The following CALCOCO2 variants were observed in gnomAD, a reference collection of about 807,000 sequenced individuals.
CALCOCO2 encodes the protein calcium binding and coiled-coil domain 2, also known as calcium-binding and coiled-coil domain-containing protein 2.
A neutral mutation model predicts 62.5 loss-of-function variants in CALCOCO2; 42 were observed. The ratio of observed to expected loss-of-function variants is 0.67; its 90% confidence interval spans 0.53 to 0.87. The LOEUF is 0.87. CALCOCO2 is among the 40% of genes least tolerant of loss of function. CALCOCO2 has a pLI of 0.00. For synonymous variants in CALCOCO2, 167 were observed against 173.0 expected (o/e 0.97, Z 0.27); for missense variants, 456 against 515.0 (o/e 0.89, Z 1.11).
At chr17:48,857,783 G>A (rs1002443074) in intron 10 of CALCOCO2, among the ~76,000 whole-genome samples, 22 of 148,342 alleles carry the variant, frequency 1.5e-4, no homozygotes, top group African/African-American at 4.7e-4. Flanking sequence ...GACCATCCTG[G>A]CTAACACAGT....
intron 7 of CALCOCO2, 193 bp downstream of exon 7, chr17:48,851,821 CT>C: frequency 2.3e-5 from 11 of 486,456 alleles, no homozygotes; most frequent in Middle Eastern, 4.2e-4. Flanking sequence ...CATGCCCCTG[CT>C]TTTAAAAAAA....
At chr17:48,848,222 C>T in intron 3 of CALCOCO2, 56 bp downstream of exon 3, 1 of 1,517,776 alleles carries the variant, frequency 6.6e-7, no homozygotes, top group Non-Finnish European at 9.1e-7. Context: ...CTAATTAATT[C>T]CCTTCAGCTT....
rs926060868 is a variant in CALCOCO2 at position 48,831,042 on chromosome 17, C to T, written c.-47C>T. ...TAGCCCCGCCCCCGTCCCACTCTGC[C>T]CTGTTGCTGTCGCGCCGCTGCTGGT... is the stretch of plus-strand genomic sequence containing the variant. On this transcript the variant is annotated 5_prime_UTR_variant, in exon 1 of 13. Transcript: ENST00000258947. 1 of 152,502 alleles carries T rather than the reference C, an allele frequency of 6.6e-6. No individual in the cohort carries two copies. Among genetic ancestry groups the T allele is most frequent in the African/African-American group, 2.4e-5 (1 of 41,424 alleles). The allele number at this position is 152,502 out of a possible 1,614,324, so 9.4% of individuals were successfully genotyped here. A position where few individuals can be genotyped will look rare whatever the true frequency, so the allele number is the denominator to read the frequency against.
chr17:48,854,382 T>TTATATATATATA (rs201839175), intron 9 of CALCOCO2, among the ~76,000 whole-genome samples: 132 of 5,976 alleles, frequency 0.022, 19 homozygotes, highest in Non-Finnish European at 0.048. Context: ...TTTCTTTTAT[T>TTATATATATATA]TATATATATA....
chr17:48,847,087 G>A (rs746667699), intron 2 of CALCOCO2, among the ~76,000 whole-genome samples: 3 of 152,032 alleles, frequency 2.0e-5, no homozygotes, highest in South Asian at 2.1e-4. Context: ...CTACCAGATT[G>A]TTGTTAATAT....
chr17:48,856,244 G>A (rs2040213582), intron 10 of CALCOCO2, 57 bp downstream of exon 10: 4 of 945,568 alleles, frequency 4.2e-6, no homozygotes, highest in Non-Finnish European at 5.0e-6. Flanking sequence ...GGATCAGGGT[G>A]GCCCAGAGAT....
intron 10 of CALCOCO2, among the ~76,000 whole-genome samples, chr17:48,857,867 C>T (rs185029330): frequency 2.9e-4 from 44 of 149,778 alleles, no homozygotes; most frequent in African/African-American, 1.0e-3. Context: ...GTCCCAGCTA[C>T]TCAGGAGGCT....
chr17:48,849,151 A>C, intron 4 of CALCOCO2, 101 bp from the exon 5 acceptor site: 21 of 998,736 alleles, frequency 2.1e-5, no homozygotes, highest in Non-Finnish European at 3.1e-5. Context: ...CATAGGTGTC[A>C]CTGCAGTGAA....
Position 48,861,436 on chromosome 17 carries a change from G to A in CALCOCO2, c.1145-840G>A, listed in dbSNP as rs939085006. ...TTGCCATGTTGCCCAGGCCGGTTTC[G>A]AACTCCTGAGCTTAAGCAGTCCACC... On this transcript the variant is annotated intron_variant, in intron 11 of 12. Coordinates refer to ENST00000258947, the MANE Select transcript of CALCOCO2 (RefSeq NM_005831.5). 3.3e-5 allele frequency among the ~76,000 whole-genome samples: 5 copies of A among 151,724 alleles called. No homozygotes were observed. In the East Asian group the frequency reaches 7.8e-4, roughly 24 times the overall value.
intron 9 of CALCOCO2, 133 bp downstream of exon 9, chr17:48,853,145 C>A (rs530384933): frequency 1.8e-5 from 11 of 618,920 alleles, no homozygotes; most frequent in Non-Finnish European, 3.2e-5. Context: ...TGCTTTCTAG[C>A]CAAAAGGACA....
chr17:48,832,163 C>T (rs1165747926), intron 1 of CALCOCO2, among the ~76,000 whole-genome samples: 3 of 152,162 alleles, frequency 2.0e-5, no homozygotes, highest in Admixed American at 6.5e-5. Flanking sequence ...GAGGCCCAGG[C>T]GGGCAGAATC....
chr17:48,851,595 T>G lies in CALCOCO2; in HGVS notation c.669T>G (p.Asn223Lys). Residue 223 changes from asparagine (N) to lysine (K), a missense_variant, in exon 7 of 13, where the codon AAT (asparagine) becomes AAG (lysine). Asn to Lys is a moderately conservative substitution (Grantham distance 94). Around this residue, in one of 3 missense-constraint regions of CALCOCO2, gnomAD observed 236 missense variants for 225.3 expected, o/e 1.05. Transcript: ENST00000258947. ...KEQNQKMSSE[N>K]EKMGIRVDQL... ...AAAACCAGAAGATGTCCTCAGAAAATGAGAAGATGGGAATCAGAGTGGATC... is the reference window on the plus strand; with the variant it reads ...AAAACCAGAAGATGTCCTCAGAAAAGGAGAAGATGGGAATCAGAGTGGATC... 1.2e-6 allele frequency: 2 copies of G among 1,603,946 alleles called. No individual in the cohort carries two copies. Among genetic ancestry groups the G allele is most frequent in the Admixed American group, 1.7e-5 (1 of 59,988 alleles).
chr17:48,849,762 C>A (rs2040101938), intron 5 of CALCOCO2, among the ~76,000 whole-genome samples: 1 of 151,958 alleles, frequency 6.6e-6, no homozygotes, highest in Admixed American at 6.6e-5. Flanking sequence ...CCTGAGCTTC[C>A]CAAAGTGCTG....
intron 10 of CALCOCO2, among the ~76,000 whole-genome samples, chr17:48,857,280 C>T (rs1193451211): frequency 6.6e-6 from 1 of 150,908 alleles, no homozygotes; most frequent in African/African-American, 2.4e-5. Flanking sequence ...TCACCGCAAC[C>T]TCCACCTTCC....
intron 12 of CALCOCO2, 41 bp downstream of exon 12, chr17:48,862,345 G>A: frequency 7.0e-7 from 1 of 1,427,864 alleles, no homozygotes; most frequent in Non-Finnish European, 9.9e-7. Context: ...CAAAGCACTT[G>A]AAAATTTCCC....
chr17:48,857,497 C>CTTTTT (rs59318856), intron 10 of CALCOCO2, among the ~76,000 whole-genome samples: 11,587 of 38,166 alleles, frequency 0.3, 3,774 homozygotes, highest in Non-Finnish European at 0.42. Flanking sequence ...GCACCCGGCC[C>CTTTTT]TTTTTTTTTT....
intron 2 of CALCOCO2, among the ~76,000 whole-genome samples, chr17:48,842,958 T>C (rs1272063528): frequency 1.3e-5 from 2 of 152,230 alleles, no homozygotes; most frequent in African/African-American, 2.4e-5. Context: ...TTGACTGAGA[T>C]GGCTGACCTC....
chr17:48,862,280 C>T lies in CALCOCO2; in HGVS notation c.1149C>T (p.Ile383=). Residue 383 remains isoleucine (I), a synonymous_variant, in exon 12 of 13, where the codon ATC becomes ATT. Transcript: ENST00000258947. The part of the protein sequence containing the change: ...GLAYGNPYSG[I]QESSSPSPLS... The stretch of plus-strand genomic sequence containing the variant: ...GATCTTTTTTATTCTTTTCAGGTAT[C>T]CAAGAAAGTTCTTCCCCCAGCCCGG... 1 of 1,585,446 alleles carries T rather than the reference C, an allele frequency of 6.3e-7. No individual in the cohort carries two copies. The highest frequency in any genetic ancestry group is 8.7e-7 in the Non-Finnish European group (1 of 1,154,068).
At chr17:48,839,552 T>C (rs1223368587) in intron 1 of CALCOCO2, 2 of 151,666 alleles carry the variant, frequency 1.3e-5, no homozygotes, top group African/African-American at 4.9e-5. Context: ...TTTCACAATG[T>C]TGGCCAGATT....
Sources: gnomAD v4.1 joint callset for allele counts (sites outside exome capture counted in the v4.1 genomes callset) on GRCh38, gnomAD v4.1.1 for gene constraint, gnomAD v4.1.1 regional missense constraint, MANE v1.5 for transcripts, NCBI Gene and HGNC (gene_info 2026-07-23, HGNC 2026-07-21) for gene names.